MYO1F: variants seen among roughly 807,000 people sequenced by gnomAD.
MYO1F encodes the protein unconventional myosin-If.
Under a neutral mutation model 146.6 loss-of-function variants are expected in MYO1F, and 60 were observed. The observed-to-expected ratio is 0.41, with a 90% CI of 0.33 to 0.51. The LOEUF is 0.51. Ranked by LOEUF, MYO1F falls within the 20% of genes least tolerant of loss-of-function variation. MYO1F has a pLI of 0.25. For synonymous variants in MYO1F, 602 were observed against 602.1 expected (o/e 1.00, Z 0.00); for missense variants, 1,274 against 1,534.3 (o/e 0.83, Z 2.83).
intron 10 of MYO1F, chr19:8,549,862 G>A (rs751316838): frequency 1.2e-4 from 58 of 494,490 alleles, no homozygotes; most frequent in Non-Finnish European, 1.7e-4. Flanking sequence ...GTACAATAGC[G>A]CAATCATAGC....
intron 19 of MYO1F, among the ~76,000 whole-genome samples, chr19:8,534,047 C>T (rs1479285108): frequency 1.3e-5 from 2 of 151,652 alleles, no homozygotes; most frequent in East Asian, 2.0e-4. Context: ...GGTGTGGTGG[C>T]GGGTGCCTGT....
Position 8,552,173 on chromosome 19 carries a change from G to A in MYO1F, c.505-9C>T, listed in dbSNP as rs765558102. On this transcript the variant is annotated splice_polypyrimidine_tract_variant and intron_variant, in intron 6 of 27. Transcript: ENST00000644032. The stretch of plus-strand genomic sequence containing the variant: ...ATCTCAAAGTACTTGCCCTGAATCC[G>A]AGAGAACCATGTCAGCACCCCAGTG... The A allele has an allele frequency of 4.3e-6, 7 of 1,613,926 alleles. No homozygotes were observed. In the Admixed American group the frequency reaches 5.0e-5, roughly 12 times the overall value.
intron 4 of MYO1F, 81 bp from the exon 5 acceptor site, chr19:8,553,518 C>T: frequency 1.8e-6 from 2 of 1,111,680 alleles, no homozygotes; most frequent in Admixed American, 1.7e-5. Flanking sequence ...CATTGAGCAC[C>T]TACTGTGTGC....
chr19:8,570,671 C>T (rs573277150), intron 1 of MYO1F, among the ~76,000 whole-genome samples: 2 of 151,410 alleles, frequency 1.3e-5, no homozygotes, highest in South Asian at 4.2e-4. Context: ...CCGCACCCAA[C>T]CACATTTTTT....
At chr19:8,545,327 G>A (rs1351746041) in intron 13 of MYO1F, 3 of 357,200 alleles carry the variant, frequency 8.4e-6, no homozygotes, top group Non-Finnish European at 1.6e-5. Context: ...GACCTCAGGT[G>A]ATCCGCCCAC....
rs149135282 is a variant in MYO1F at position 8,572,733 on chromosome 19, T to C, written c.3+4574A>G. Among the ~76,000 whole-genome samples the C allele has an allele frequency of 2.2e-3, 340 of 152,306 alleles. 1 individual carries two copies. Among genetic ancestry groups the C allele is most frequent in the Non-Finnish European group, 3.8e-3 (258 of 68,034 alleles). The stretch of plus-strand genomic sequence containing the variant: ...TGTTTAGAAACAGAGTCTGTCTCTG[T>C]TGCTCAGGCTGGAGTGCAGTGGGGC... On this transcript the variant is annotated intron_variant, in intron 1 of 27. Transcript: ENST00000644032.
At chr19:8,568,437 A>AAACAAAAC (rs1555731042) in intron 1 of MYO1F, among the ~76,000 whole-genome samples, 3 of 150,684 alleles carry the variant, frequency 2.0e-5, no homozygotes, top group South Asian at 2.1e-4. Context: ...AAAAAAAAAA[A>AAACAAAAC]AAAAAAAATT....
At position 8,536,110 on chromosome 19, in the gene MYO1F, AATCT is replaced by A. The variant is rs1262080180; in HGVS notation, c.2043+138_2043+141del. The A allele has an allele frequency of 1.1e-5, 12 of 1,097,304 alleles. No homozygotes were observed. In the African/African-American group the frequency reaches 1.6e-4, roughly 14 times the overall value. The allele number at this position is 1,097,304 out of a possible 1,614,324, so 68.0% of individuals were successfully genotyped here. ...GTTTCTCTGTCAATCCCTCTCTCTCAATCTGTTTCTCAATTTCTCAATCTATCAG... is the reference window on the plus strand; with the variant it reads ...GTTTCTCTGTCAATCCCTCTCTCTCAGTTTCTCAATTTCTCAATCTATCAG... On this transcript the variant is annotated intron_variant, in intron 19 of 27. Coordinates refer to ENST00000644032, the MANE Select transcript of MYO1F (RefSeq NM_012335.4).
intron 8 of MYO1F, 121 bp downstream of exon 8, chr19:8,551,619 T>C: frequency 2.7e-6 from 4 of 1,469,992 alleles, no homozygotes; most frequent in South Asian, 2.3e-5. Context: ...CCCAAAGTGC[T>C]GGGATTACAG....
chr19:8,552,782 C>T (rs73501539), intron 6 of MYO1F, among the ~76,000 whole-genome samples: 3,251 of 152,180 alleles, frequency 0.021, 114 homozygotes, highest in African/African-American at 0.073. Context: ...TCACTGGGCC[C>T]AGCGCAGCAC....
At chr19:8,561,820 G>A (rs545117870) in intron 1 of MYO1F, among the ~76,000 whole-genome samples, 37 of 150,870 alleles carry the variant, frequency 2.5e-4, no homozygotes, top group Non-Finnish European at 4.1e-4. Context: ...AGGTTCAAAC[G>A]ATTCTTCTGC....
chr19:8,556,847 A>G (rs571647139), intron 1 of MYO1F, among the ~76,000 whole-genome samples: 5 of 144,984 alleles, frequency 3.4e-5, no homozygotes, highest in Non-Finnish European at 7.5e-5. Context: ...AGATTGTGCC[A>G]TTGCACTCCA....
chr19:8,526,720 G>A (rs1215166053), intron 23 of MYO1F, 69 bp downstream of exon 23: 2 of 1,538,700 alleles, frequency 1.3e-6, no homozygotes, highest in South Asian at 1.2e-5. Context: ...CGGCCGGGTC[G>A]GTGGGGCGGG....
chr19:8,568,422 C>CAAAAA lies in MYO1F; in HGVS notation c.3+8880_3+8884dup, dbSNP rs55833513. 9.9e-3 allele frequency among the ~76,000 whole-genome samples: 658 copies of CAAAAA among 66,404 alleles called. 55 individuals are homozygous for CAAAAA. The highest frequency in any genetic ancestry group is 0.04 in the African/African-American group (572 of 14,346). The allele number at this position is 66,404 out of a possible 152,430, so 43.6% of individuals were successfully genotyped here. ...TGGGTGAAAGAGTGAGACTCCGTCT[C>CAAAAA]AAAAAAAAAAAAAAAAAAAAAAATT... is the stretch of plus-strand genomic sequence containing the variant. On this transcript the variant is annotated intron_variant, in intron 1 of 27. Coordinates refer to ENST00000644032, the MANE Select transcript of MYO1F (RefSeq NM_012335.4).
At chr19:8,544,979 T>C (rs1465102266) in intron 13 of MYO1F, among the ~76,000 whole-genome samples, 1 of 152,202 alleles carries the variant, frequency 6.6e-6, no homozygotes, top group African/African-American at 2.4e-5. Context: ...GGTTTCACCA[T>C]GTTGGCCAGG....
chr19:8,559,142 A>G (rs530054537), intron 1 of MYO1F, among the ~76,000 whole-genome samples: 31 of 151,656 alleles, frequency 2.0e-4, no homozygotes, highest in African/African-American at 6.0e-4. Context: ...GATCTTCCAA[A>G]CTGCTGGGAT....
At chr19:8,575,078 CTTTTTTT>C (rs576218913) in intron 1 of MYO1F, among the ~76,000 whole-genome samples, 1 of 135,574 alleles carries the variant, frequency 7.4e-6, no homozygotes, top group Non-Finnish European at 1.6e-5. Flanking sequence ...TTTTCTTTTT[CTTTTTTT>C]TTTTTTTTTG....
At chr19:8,542,288 G>C (rs1973010704) in intron 14 of MYO1F, among the ~76,000 whole-genome samples, 1 of 146,796 alleles carries the variant, frequency 6.8e-6, no homozygotes, top group South Asian at 2.2e-4. Flanking sequence ...GAGAGCTGCA[G>C]CTTGCATCAG....
intron 19 of MYO1F, among the ~76,000 whole-genome samples, chr19:8,532,360 C>G (rs1972520263): frequency 6.6e-6 from 1 of 152,032 alleles, no homozygotes; most frequent in African/African-American, 2.4e-5. Context: ...TACAGCAAGT[C>G]AAAGTACAAA....
Sources: allele counts gnomAD v4.1 joint callset (sites outside exome capture counted in the v4.1 genomes callset), GRCh38; gene constraint gnomAD v4.1.1; transcripts MANE v1.5; gene names NCBI Gene and HGNC (gene_info 2026-07-23, HGNC 2026-07-21).